PTPRD: variants seen among roughly 807,000 people sequenced by gnomAD.
PTPRD encodes the protein protein tyrosine phosphatase receptor type D.
PTPRD carries 34 observed loss-of-function variants against 214.5 expected under a neutral mutation model. That is an observed-to-expected ratio of 0.16 (90% CI 0.12 to 0.21). PTPRD has a LOEUF of 0.21. Ranked by LOEUF, PTPRD falls within the 10% of genes least tolerant of loss-of-function variation. The pLI, the probability that PTPRD is intolerant of heterozygous loss-of-function variation, is 1.00. For synonymous variants in PTPRD, 1,128 were observed against 845.7 expected, an observed-to-expected ratio of 1.33 and a Z score of -5.79; for missense variants, 2,545 against 2,398.7, an observed-to-expected ratio of 1.06 and a Z score of -1.27.
intron 2 of PTPRD, among the ~76,000 whole-genome samples, chr9:10,483,521 T>C (rs2099113772): frequency 6.6e-6 from 1 of 151,782 alleles, no homozygotes. Context: ...AATTGTCAAC[T>C]CTGCACCTGA....
At chr9:9,459,303 T>C (rs2093409435) in intron 8 of PTPRD, among the ~76,000 whole-genome samples, 1 of 152,022 alleles carries the variant, frequency 6.6e-6, no homozygotes, top group African/African-American at 2.4e-5. Flanking sequence ...AAGATAAGAA[T>C]GTACACTTTT....
intron 10 of PTPRD, among the ~76,000 whole-genome samples, chr9:9,147,760 C>G (rs942001361): frequency 1.1e-4 from 17 of 152,208 alleles, no homozygotes; most frequent in Non-Finnish European, 2.4e-4. Context: ...GACCCTCCCC[C>G]CTCTCCCTGC....
intron 5 of PTPRD, among the ~76,000 whole-genome samples, chr9:9,811,518 T>C (rs1030100894): frequency 6.6e-6 from 1 of 152,050 alleles, no homozygotes; most frequent in Non-Finnish European, 1.5e-5. Flanking sequence ...CCATCCTGGC[T>C]GACACGGTGA....
chr9:10,077,556 T>C (rs2098153411), intron 3 of PTPRD, among the ~76,000 whole-genome samples: 1 of 152,152 alleles, frequency 6.6e-6, no homozygotes, highest in Admixed American at 6.6e-5. Context: ...ATAAGTTGCA[T>C]GTCACTGGGG....
intron 5 of PTPRD, among the ~76,000 whole-genome samples, chr9:9,797,826 G>A (rs2476590): frequency 0.2 from 30,898 of 151,842 alleles, 3,715 homozygotes; most frequent in African/African-American, 0.34. Context: ...CCAGCCTGGC[G>A]GACAACAGCG....
intron 3 of PTPRD, among the ~76,000 whole-genome samples, chr9:10,227,073 A>G (rs2099591288): frequency 6.6e-6 from 1 of 151,998 alleles, no homozygotes; most frequent in Non-Finnish European, 1.5e-5. Context: ...CATGTTCTCA[A>G]CCTCAATATT....
At chr9:9,627,727 T>C (rs768902418) in intron 7 of PTPRD, among the ~76,000 whole-genome samples, 1 of 152,232 alleles carries the variant, frequency 6.6e-6, no homozygotes, top group Non-Finnish European at 1.5e-5. Flanking sequence ...GGTTTCAATA[T>C]GTGAAGCCAT....
intron 9 of PTPRD, among the ~76,000 whole-genome samples, chr9:9,323,012 T>C (rs138424401): frequency 0.017 from 2,603 of 152,284 alleles, 74 homozygotes; most frequent in African/African-American, 0.06. Flanking sequence ...CTAGTGCTAG[T>C]CTGAAGGAAT....
chr9:9,651,167 A>G (rs1017708852), intron 7 of PTPRD, among the ~76,000 whole-genome samples: 37 of 152,206 alleles, frequency 2.4e-4, no homozygotes, highest in Admixed American at 5.9e-4. Flanking sequence ...AATACATTTT[A>G]TCATTTCTAT....
At chr9:8,791,545 T>TTTTG (rs2096237608) in intron 11 of PTPRD, among the ~76,000 whole-genome samples, 1 of 123,194 alleles carries the variant, frequency 8.1e-6, no homozygotes, top group African/African-American at 2.7e-5. Context: ...TTTTTTTTTT[T>TTTTG]GAGACAGAGT....
intron 5 of PTPRD, among the ~76,000 whole-genome samples, chr9:9,779,385 G>A (rs987319024): frequency 1.3e-5 from 2 of 152,084 alleles, no homozygotes; most frequent in Non-Finnish European, 2.9e-5. Flanking sequence ...CTTCTGCACA[G>A]CGAAAGAAAC....
At chr9:10,485,769 A>C (rs1210446408) in intron 2 of PTPRD, among the ~76,000 whole-genome samples, 1 of 152,002 alleles carries the variant, frequency 6.6e-6, no homozygotes, top group Non-Finnish European at 1.5e-5. Flanking sequence ...TGGAATCTTT[A>C]GGTTTTTCCA....
chr9:10,165,595 T>C (rs558109293), intron 3 of PTPRD, among the ~76,000 whole-genome samples: 212 of 151,888 alleles, frequency 1.4e-3, no homozygotes, highest in Admixed American at 3.6e-3. Context: ...AAAATATTAA[T>C]GTTTTAAAAG....
chr9:9,346,158 T>C (rs1367303627), intron 9 of PTPRD, among the ~76,000 whole-genome samples: 1 of 152,150 alleles, frequency 6.6e-6, no homozygotes, highest in Non-Finnish European at 1.5e-5. Flanking sequence ...GAATATATCT[T>C]CCTAGCCATA....
chr9:8,582,432 T>C (rs755778179), intron 14 of PTPRD, among the ~76,000 whole-genome samples: 1 of 152,226 alleles, frequency 6.6e-6, no homozygotes, highest in Non-Finnish European at 1.5e-5. Flanking sequence ...AGGCTTTTGT[T>C]CAGTCAAAAA....
chr9:10,165,904 CAT>C (rs1432638969), intron 3 of PTPRD, among the ~76,000 whole-genome samples: 5 of 150,724 alleles, frequency 3.3e-5, no homozygotes, highest in African/African-American at 1.2e-4. Flanking sequence ...TATAAATACA[CAT>C]GTCAATATAT....
At chr9:10,047,337 T>TGTGTGTGTGTGCGC (rs1491445418) in intron 3 of PTPRD, among the ~76,000 whole-genome samples, 10 of 144,288 alleles carry the variant, frequency 6.9e-5, no homozygotes, top group East Asian at 6.1e-4. Flanking sequence ...TGTGTGTGTG[T>TGTGTGTGTGTGCGC]GCGTGTGTGT....
chr9:9,651,781 T>C (rs1273465850), intron 7 of PTPRD, among the ~76,000 whole-genome samples: 1 of 150,846 alleles, frequency 6.6e-6, no homozygotes, highest in African/African-American at 2.4e-5. Flanking sequence ...CTGGGTCAAA[T>C]GATATTAGGG....
At chr9:8,895,811 T>C (rs943424484) in intron 11 of PTPRD, among the ~76,000 whole-genome samples, 2 of 152,178 alleles carry the variant, frequency 1.3e-5, no homozygotes, top group African/African-American at 4.8e-5. Flanking sequence ...AACTCTCATA[T>C]ATCATAAAGC....
Sources: allele counts gnomAD v4.1 joint callset (sites outside exome capture counted in the v4.1 genomes callset), GRCh38; gene constraint gnomAD v4.1.1; transcripts MANE v1.5; gene names NCBI Gene and HGNC (gene_info 2026-07-23, HGNC 2026-07-21).